The following ARVCF variants were observed in gnomAD, a reference collection of about 807,000 sequenced individuals.
The protein encoded by ARVCF is splicing regulator ARVCF.
Under a neutral mutation model 90.9 loss-of-function variants are expected in ARVCF, and 66 were observed. That is an observed-to-expected ratio of 0.73 (90% CI 0.60 to 0.89). The LOEUF (loss-of-function observed/expected upper bound fraction) is 0.89, where lower values mean the gene tolerates loss of function less well. Ranked by LOEUF, ARVCF falls within the 40% of genes least tolerant of loss-of-function variation. The pLI, the probability that ARVCF is intolerant of heterozygous loss-of-function variation, is 0.00. For missense variants in ARVCF, 1,469 were observed against 1,382.3 expected, an observed-to-expected ratio of 1.06 and a Z score of -1.00; for synonymous variants, 653 against 603.4, an observed-to-expected ratio of 1.08 and a Z score of -1.21.
chr22:20,014,975 G>A (rs1328358237), intron 1 of ARVCF, among the ~76,000 whole-genome samples: 1 of 152,164 alleles, frequency 6.6e-6, no homozygotes, highest in African/African-American at 2.4e-5. Flanking sequence ...ACTGGGGGGA[G>A]ACTACAGGGC....
intron 1 of ARVCF, among the ~76,000 whole-genome samples, chr22:20,014,162 G>C (rs896428141): frequency 6.7e-6 from 1 of 150,154 alleles, no homozygotes; most frequent in Non-Finnish European, 1.5e-5. Context: ...TTACAGGTAC[G>C]AGCCACCGTG....
At chr22:20,007,688 G>A (rs1370122729) in intron 2 of ARVCF, among the ~76,000 whole-genome samples, 1 of 152,190 alleles carries the variant, frequency 6.6e-6, no homozygotes, top group Non-Finnish European at 1.5e-5. Flanking sequence ...GATGGGTTCC[G>A]CCTCCTTCAG....
rs1438030334 is a variant in ARVCF at position 19,981,439 on chromosome 22, C to T, written c.668G>A (p.Gly223Asp). 3 of 1,564,386 alleles carry T rather than the reference C, an allele frequency of 1.9e-6. No homozygotes were observed. Among genetic ancestry groups the T allele is most frequent in the Non-Finnish European group, 2.6e-6 (3 of 1,157,102 alleles). The change falls in exon 5 of 20, where the codon GGT (glycine) becomes GAT (aspartate). Residue 223 changes from glycine to aspartate, a missense_variant. Gly to Asp is a moderately conservative substitution (Grantham distance 94). Coordinates refer to ENST00000263207, the MANE Select transcript of ARVCF (RefSeq NM_001670.3). ...GCCAGGCAGTGTGAAGCAGCCATCACCAGGGCCTGGGCCAAGGGGGCCAGC... is the reference window on the plus strand; with the variant it reads ...GCCAGGCAGTGTGAAGCAGCCATCATCAGGGCCTGGGCCAAGGGGGCCAGC... ...PRAGPLGPGPGDGCFTLPGHR... is the reference protein window; with the variant it reads ...PRAGPLGPGPDDGCFTLPGHR...
At chr22:19,973,492 G>C in intron 13 of ARVCF, 151 bp downstream of exon 13, 1 of 1,365,184 alleles carries the variant, frequency 7.3e-7, no homozygotes, top group Non-Finnish European at 9.8e-7. Flanking sequence ...AGGGCCGGGG[G>C]GACTGGAGCT....
rs533997542 is a variant in ARVCF, at chr22:19,982,002, G to A, written c.300C>T (p.Pro100=). 8.7e-6 allele frequency: 14 copies of A among 1,613,062 alleles called. No individual in the cohort carries two copies. Among genetic ancestry groups the A allele is most frequent in the Admixed American group, 5.0e-5 (3 of 60,014 alleles). The part of the protein sequence containing the change: ...LEETVTVEED[P]GTPTSHVSIV... ...TAGACACATGGGAAGTGGGTGTGCC[G>A]GGGTCCTCCTCCACCGTCACGGTCT... is the stretch of plus-strand genomic sequence containing the variant. Residue 100 remains proline (P), a synonymous_variant, in exon 4 of 20, where the codon CCC becomes CCT. Transcript: ENST00000263207.
At chr22:20,015,252 G>T (rs1001552629) in intron 1 of ARVCF, among the ~76,000 whole-genome samples, 1 of 152,222 alleles carries the variant, frequency 6.6e-6, no homozygotes, top group African/African-American at 2.4e-5. Context: ...CCTCTGCTGG[G>T]CGCTGGTGGA....
chr22:20,004,929 T>C (rs575439001), intron 2 of ARVCF, among the ~76,000 whole-genome samples: 1 of 152,222 alleles, frequency 6.6e-6, no homozygotes, highest in Non-Finnish European at 1.5e-5. Context: ...CCTCAAACTA[T>C]AAAACTCTTA....
At chr22:20,013,364 G>A (rs1944905897) in intron 1 of ARVCF, among the ~76,000 whole-genome samples, 1 of 152,242 alleles carries the variant, frequency 6.6e-6, no homozygotes, top group Non-Finnish European at 1.5e-5. Context: ...TGTCCCTGCT[G>A]AGCCTGTGTG....
Position 19,981,335 on chromosome 22 carries a change from G to C in ARVCF, c.772C>G (p.Pro258Ala), listed in dbSNP as rs139692477. 14 of 1,605,562 alleles carry C rather than the reference G, an allele frequency of 8.7e-6. No individual in the cohort carries two copies. The African/African-American group carries it at 1.9e-4, about 21-fold the overall frequency. ...CGCGTGTCATCCTCCAAGCCATACG[G>C]CTCTGCCTGGAAGCGCTCGGGCAGG... ...RSLPERFQAE[P>A]YGLEDDTRSL... The change falls in exon 5 of 20, where the codon CCG becomes GCG. Residue 258 changes from proline (P) to alanine (A), a missense_variant. Pro to Ala is a conservative substitution (Grantham distance 27). Transcript: ENST00000263207.
rs146518336 is a variant in ARVCF at position 19,973,211 on chromosome 22, G to A, written c.2346C>T (p.Thr782=). 14 of 1,610,782 alleles carry A rather than the reference G, an allele frequency of 8.7e-6. No homozygotes were observed. The highest frequency in any genetic ancestry group is 2.7e-5 in the African/African-American group (2 of 74,890). The part of the protein sequence containing the change: ...EEDTVVAVLN[T]IHEIVSDSLD... ...GGCTGTCGGACACGATTTCGTGGAT[G>A]GTGTTGAGCACCGCCACCACGGTGT... Residue 782 remains threonine, a synonymous_variant, in exon 14 of 20, where the codon ACC becomes ACT. Transcript: ENST00000263207.
At chr22:19,976,276 G>C (rs536375804) in intron 10 of ARVCF, among the ~76,000 whole-genome samples, 2 of 152,136 alleles carry the variant, frequency 1.3e-5, no homozygotes, top group African/African-American at 4.8e-5. Context: ...GCTTGCACAC[G>C]TCTGTGACAG....
downstream of ARVCF, among the ~76,000 whole-genome samples, chr22:19,966,774 T>C (rs1249768499): frequency 2.7e-5 from 4 of 148,950 alleles, no homozygotes; most frequent in East Asian, 8.1e-4. Context: ...AGACAGTCTC[T>C]CGCTCTGTCG....
chr22:19,969,020 T>A, downstream of ARVCF: 1 of 317,172 alleles, frequency 3.2e-6, no homozygotes, highest in East Asian at 7.4e-5. Flanking sequence ...ATCTAAATAT[T>A]TAGATATAAC....
chr22:19,988,337 C>T (rs1315271298), intron 3 of ARVCF, among the ~76,000 whole-genome samples: 4 of 152,222 alleles, frequency 2.6e-5, no homozygotes, highest in African/African-American at 7.2e-5. Flanking sequence ...TGGAGCAGAG[C>T]GCAGAAGACC....
At chr22:19,979,610 G>T in intron 6 of ARVCF, 133 bp downstream of exon 6, 1 of 1,339,130 alleles carries the variant, frequency 7.5e-7, no homozygotes, top group Non-Finnish European at 9.9e-7. Flanking sequence ...TGGGGCAAGC[G>T]TCTCAGCAGC....
chr22:19,999,406 T>C (rs1315605758), intron 2 of ARVCF, among the ~76,000 whole-genome samples: 2 of 152,166 alleles, frequency 1.3e-5, no homozygotes, highest in Non-Finnish European at 2.9e-5. Flanking sequence ...ACCTGACTAC[T>C]AGGGAGTGGG....
rs780336455 is a variant in ARVCF, at chr22:19,979,955, C to A, written c.1184G>T (p.Arg395Leu). ...CGGCAGCCCCCGCAACTGCCGTACA[C>A]GCCGCTTGACACCCTCGTTCTCAAA... is the stretch of plus-strand genomic sequence containing the variant. ...LCFENEGVKR[R>L]VRQLRGLPLL... Residue 395 changes from arginine to leucine, a missense_variant, in exon 6 of 20, where the codon CGT becomes CTT. Transcript: ENST00000263207. 1.9e-6 allele frequency: 3 copies of A among 1,595,314 alleles called. No homozygotes were observed.
At chr22:19,991,569 AG>A in intron 2 of ARVCF, among the ~76,000 whole-genome samples, 1 of 152,356 alleles carries the variant, frequency 6.6e-6, no homozygotes, top group Non-Finnish European at 1.5e-5. Flanking sequence ...AGAAAAGGGC[AG>A]GGGCCAGGCA....
chr22:20,011,011 C>A (rs1418872749), intron 1 of ARVCF, among the ~76,000 whole-genome samples: 2 of 152,266 alleles, frequency 1.3e-5, no homozygotes, highest in Non-Finnish European at 1.5e-5. Flanking sequence ...GCAGCTGCCC[C>A]CAACAGTCTC....
Sources: allele counts gnomAD v4.1 joint callset (sites outside exome capture counted in the v4.1 genomes callset), GRCh38; gene constraint gnomAD v4.1.1; transcripts MANE v1.5; gene names NCBI Gene and HGNC (gene_info 2026-07-23, HGNC 2026-07-21).